The following MYH9 variants were observed in gnomAD, a reference collection of about 807,000 sequenced individuals.
The protein encoded by MYH9 is myosin-9.
In MYH9, 29 loss-of-function variants were observed where a neutral mutation model predicts 241.9. The observed-to-expected ratio is 0.12, with a 90% CI of 0.09 to 0.16. The LOEUF is 0.16. MYH9 is among the 10% of genes least tolerant of loss of function. The probability of loss-of-function intolerance (pLI) is 1.00; values close to 1 mark genes in which losing one functional copy is unlikely to be tolerated. For missense variants in MYH9, 1,803 were observed against 2,595.5 expected (o/e 0.69, Z 6.63); for synonymous variants, 1,047 against 1,062.6 (o/e 0.99, Z 0.29).
At chr22:36,383,374 CCA>C (rs1297834970) in intron 1 of MYH9, among the ~76,000 whole-genome samples, 2 of 152,176 alleles carry the variant, frequency 1.3e-5, no homozygotes, top group Non-Finnish European at 2.9e-5. Context: ...TGAACTGAAA[CCA>C]CAGTCTGCAC....
intron 20 of MYH9, among the ~76,000 whole-genome samples, chr22:36,301,971 C>G (rs1022649051): frequency 1.3e-5 from 2 of 152,038 alleles, no homozygotes; most frequent in Admixed American, 1.3e-4. Context: ...ATGATGTGTT[C>G]CCTAGGGAAC....
In MYH9 at chr22:36,356,234, C is replaced by G. The variant is rs892594836; in HGVS notation, c.-19-6979G>C. Among the ~76,000 whole-genome samples, 2 of 152,142 alleles carry G rather than the reference C, an allele frequency of 1.3e-5. 1 individual carries two copies. Among genetic ancestry groups the G allele is most frequent in the South Asian group, 4.1e-4 (2 of 4,832 alleles). ...TGTCCTTTCTCTTTCTACTTGCGGC[C>G]GTTGGTTTTGAGTTAAATAAAACTA... is the stretch of plus-strand genomic sequence containing the variant. On this transcript the variant is annotated intron_variant, in intron 1 of 40. Transcript: ENST00000216181.
Position 36,320,266 on chromosome 22 carries a change from G to GGTCT in MYH9, c.962_965dup (p.Met323AspfsTer40). Reference sequence around the variant, plus strand: ...TGCCCATAATCCTCATGGCCTCCATGGTCTCCTGGAACATGTCCTTGTCCT... The same window carrying GGTCT: ...TGCCCATAATCCTCATGGCCTCCATGGTCTGTCTCCTGGAACATGTCCTTGTCCT... On this transcript the variant is annotated frameshift_variant, in exon 9 of 41. Coordinates refer to ENST00000216181, the MANE Select transcript of MYH9 (RefSeq NM_002473.6). LOFTEE classifies it high-confidence loss of function. This position sits in a 1 kb window ranked among gnomAD's most constrained non-coding sequence, Gnocchi z 4.8. 6.2e-7 allele frequency: 1 copy of GGTCT among 1,614,204 alleles called. No individual in the cohort carries two copies. The highest frequency in any genetic ancestry group is 8.5e-7 in the Non-Finnish European group (1 of 1,180,042).
intron 7 of MYH9, 125 bp from the exon 8 acceptor site, chr22:36,321,021 C>T (rs1480128554): frequency 8.6e-6 from 6 of 700,926 alleles, no homozygotes; most frequent in South Asian, 5.9e-5. Flanking sequence ...GGCATGATCT[C>T]GGCTCACTGC....
rs78323081 is a variant in MYH9, at chr22:36,319,521, G to T, written c.1108+19C>A. 6.2e-6 allele frequency: 10 copies of T among 1,612,672 alleles called. No homozygotes were observed. In the Admixed American group the frequency reaches 1.7e-4, roughly 27 times the overall value. Reference sequence around the variant, plus strand: ...AAGCACCTGCCCCATTATTTCCAGCGAGAGGCCCCGGGTGTTACCTGTGTT... The same window carrying T: ...AAGCACCTGCCCCATTATTTCCAGCTAGAGGCCCCGGGTGTTACCTGTGTT... On this transcript the variant is annotated intron_variant, in intron 10 of 40. Coordinates refer to ENST00000216181, the MANE Select transcript of MYH9 (RefSeq NM_002473.6).
chr22:36,374,654 C>T (rs1016978937), intron 1 of MYH9, among the ~76,000 whole-genome samples: 2 of 152,264 alleles, frequency 1.3e-5, no homozygotes, highest in African/African-American at 4.8e-5. Flanking sequence ...GCGCAGGCCG[C>T]GTTCCCAGCA....
In MYH9 at chr22:36,306,071, C is replaced by T; in HGVS notation, c.2038-20G>A. ...GCCGGCCTGGAGAAGAAAACACATGCATGCGGTCTCACTTCCGTGCCTAGA... is the reference window on the plus strand; with the variant it reads ...GCCGGCCTGGAGAAGAAAACACATGTATGCGGTCTCACTTCCGTGCCTAGA... On this transcript the variant is annotated intron_variant, in intron 16 of 40. Transcript: ENST00000216181. This position sits in a 1 kb window ranked among gnomAD's most constrained non-coding sequence, Gnocchi z 4.1. The T allele has an allele frequency of 3.7e-6, 6 of 1,612,380 alleles. No individual in the cohort carries two copies. Among genetic ancestry groups the T allele is most frequent in the Non-Finnish European group, 5.1e-6 (6 of 1,179,982 alleles).
At chr22:36,331,623 G>A (rs533911384) in intron 3 of MYH9, among the ~76,000 whole-genome samples, 3 of 152,316 alleles carry the variant, frequency 2.0e-5, no homozygotes, top group Non-Finnish European at 2.9e-5. Flanking sequence ...AAAAGGCCAC[G>A]AGGCTCGCAG....
intron 40 of MYH9, among the ~76,000 whole-genome samples, chr22:36,283,520 A>T (rs991826512): frequency 6.6e-6 from 1 of 151,402 alleles, no homozygotes; most frequent in African/African-American, 2.4e-5. Context: ...CTGGGCAACA[A>T]GAGCGAAACT....
At chr22:36,297,360 A>C in intron 24 of MYH9, 5 of 275,702 alleles carry the variant, frequency 1.8e-5, no homozygotes, top group Non-Finnish European at 2.8e-5. Context: ...AACTTATATA[A>C]TGGAACTGCC....
chr22:36,290,915 C>T (rs1452307480), intron 31 of MYH9, among the ~76,000 whole-genome samples: 3 of 152,034 alleles, frequency 2.0e-5, no homozygotes, highest in African/African-American at 4.8e-5. Context: ...GCCTGGCAAC[C>T]GCCCCGTCTG....
intron 5 of MYH9, 114 bp from the exon 6 acceptor site, chr22:36,322,635 G>A (rs1195305882): frequency 7.7e-6 from 8 of 1,036,180 alleles, no homozygotes; most frequent in Non-Finnish European, 1.0e-5. Flanking sequence ...AACGTGCCAG[G>A]AACAGAGGTT....
rs565835643 is a variant in MYH9, at chr22:36,298,302, C to T, written c.3100+617G>A. On this transcript the variant is annotated intron_variant, in intron 24 of 40. Transcript: ENST00000216181. Reference sequence around the variant, plus strand: ...AGGGCTGGGGGTCCTCAGACAGCCACGGACCTGTGCTTCTACCCCAGCACC... The same window carrying T: ...AGGGCTGGGGGTCCTCAGACAGCCATGGACCTGTGCTTCTACCCCAGCACC... Among the ~76,000 whole-genome samples the T allele has an allele frequency of 9.2e-5, 14 of 152,228 alleles. No individual in the cohort carries two copies. In the East Asian group the frequency reaches 2.1e-3, roughly 23 times the overall value.
At position 36,285,939 on chromosome 22, in the gene MYH9, C is replaced by T. The variant is rs774478943; in HGVS notation, c.5076G>A (p.Ala1692=). ...GCTGGGCCTGGCGCTTGGCACGCTC[C>T]GCGGCTGCCAGTTCCTGCCACAAAG... ...MIQLQEELAA[A]ERAKRQAQQE... The change falls in exon 36 of 41, where the codon GCG becomes GCA. Residue 1692 remains alanine (A), a synonymous_variant. Transcript: ENST00000216181. The surrounding 1 kb of genome is among the most constrained non-coding windows in gnomAD (Gnocchi z 7.0). The T allele has an allele frequency of 1.2e-5, 20 of 1,610,584 alleles. No individual in the cohort carries two copies. The highest frequency in any genetic ancestry group is 3.3e-5 in the Admixed American group (2 of 59,990).
At chr22:36,343,548 TAAAA>T (rs5845270) in intron 2 of MYH9, among the ~76,000 whole-genome samples, 3 of 125,004 alleles carry the variant, frequency 2.4e-5, no homozygotes, top group Non-Finnish European at 1.6e-5. Context: ...ACCCTGCTCT[TAAAA>T]AAAAAAAAAA....
Position 36,284,280 on chromosome 22 carries a change from G to A in MYH9, c.5593-15C>T, listed in dbSNP as rs755819286. 15 of 1,607,016 alleles carry A rather than the reference G, an allele frequency of 9.3e-6. No homozygotes were observed. The highest frequency in any genetic ancestry group is 7.7e-5 in the South Asian group (7 of 90,738). ...GCCTTGTCGGCCTGCGGAGATGGAC[G>A]TGTGGCCCGTGGCCCCGGTTAGGGG... is the stretch of plus-strand genomic sequence containing the variant. On this transcript the variant is annotated splice_polypyrimidine_tract_variant and intron_variant, in intron 39 of 40. Coordinates refer to ENST00000216181, the MANE Select transcript of MYH9 (RefSeq NM_002473.6).
chr22:36,380,456 G>C (rs5995289), intron 1 of MYH9, among the ~76,000 whole-genome samples: 1 of 152,120 alleles, frequency 6.6e-6, no homozygotes, highest in Non-Finnish European at 1.5e-5. Flanking sequence ...AAGAAGGCCA[G>C]GTGGCCGGGT....
intron 1 of MYH9, among the ~76,000 whole-genome samples, chr22:36,361,488 A>C (rs1046659763): frequency 6.6e-6 from 1 of 152,186 alleles, no homozygotes; most frequent in Non-Finnish European, 1.5e-5. Flanking sequence ...ATCAAAAACA[A>C]CACCAGTACG....
At chr22:36,308,748 T>G in intron 15 of MYH9, 1 of 928,944 alleles carries the variant, frequency 1.1e-6, no homozygotes, top group Non-Finnish European at 1.3e-6. Flanking sequence ...GCAGAAGCAT[T>G]TCTTGCACAG....
Sources: gnomAD v4.1 joint callset for allele counts (sites outside exome capture counted in the v4.1 genomes callset) on GRCh38, gnomAD v4.1.1 for gene constraint, Gnocchi (gnomAD v3.1) non-coding constraint, MANE v1.5 for transcripts, NCBI Gene and HGNC (gene_info 2026-07-23, HGNC 2026-07-21) for gene names.